Variants in VPS4B observed in about 807,000 individuals in gnomAD.
VPS4B encodes vacuolar protein sorting 4 homolog B.
A neutral mutation model predicts 56.1 loss-of-function variants in VPS4B; 23 were observed. The ratio of observed to expected loss-of-function variants is 0.41; its 90% CI spans 0.30 to 0.58. VPS4B has a LOEUF of 0.58. Among genes scored for constraint, VPS4B ranks in the 20% least tolerant of loss-of-function variants. The pLI is 0.29. For missense variants in VPS4B, 372 were observed against 531.9 expected (o/e 0.70, Z 2.96); for synonymous variants, 177 against 186.0 (o/e 0.95, Z 0.39).
chr18:63,399,855 A>G (rs1218679096), intron 7 of VPS4B, among the ~76,000 whole-genome samples, 193 bp downstream of exon 7: 2 of 152,160 alleles, frequency 1.3e-5, no homozygotes, highest in Non-Finnish European at 2.9e-5. Context: ...GACTTTAAAA[A>G]TCAGTAACAT....
chr18:63,391,095 G>A lies in VPS4B; in HGVS notation c.1234-19C>T, dbSNP rs764311271. The A allele has an allele frequency of 6.6e-6, 10 of 1,508,930 alleles. No individual in the cohort carries two copies. The highest frequency in any genetic ancestry group is 9.2e-6 in the Non-Finnish European group (10 of 1,086,424). The allele number at this position is 1,508,930 out of a possible 1,614,324, so 93.5% of individuals were successfully genotyped here. ...TATCCGACTGTCAGGGAAAAAGAAG[G>A]GTAGGGAGGATATTAATAATAGAGT... On this transcript the variant is annotated intron_variant, in intron 10 of 10. Coordinates refer to ENST00000238497, the MANE Select transcript of VPS4B (RefSeq NM_004869.4).
chr18:63,402,154 A>C (rs1915826075), intron 5 of VPS4B, among the ~76,000 whole-genome samples: 1 of 152,224 alleles, frequency 6.6e-6, no homozygotes, highest in Non-Finnish European at 1.5e-5. Context: ...CCTATTTTAC[A>C]TGTATACATT....
At chr18:63,407,679 C>A (rs1163087764) in intron 3 of VPS4B, among the ~76,000 whole-genome samples, 180 bp from the exon 4 acceptor site, 1 of 152,102 alleles carries the variant, frequency 6.6e-6, no homozygotes, top group Admixed American at 6.5e-5. Flanking sequence ...ACGTTATCAT[C>A]AATAGAGAAT....
chr18:63,413,791 G>A (rs1376799596), intron 1 of VPS4B, among the ~76,000 whole-genome samples: 1 of 152,172 alleles, frequency 6.6e-6, no homozygotes, highest in African/African-American at 2.4e-5. Context: ...GTTGAGCATG[G>A]ATTGGATATA....
rs548588900 is a variant in VPS4B, at chr18:63,406,291, A to C, written c.364+1141T>G. On this transcript the variant is annotated intron_variant, in intron 4 of 10. Transcript: ENST00000238497. Reference sequence around the variant, plus strand: ...TCTACCACTGAAGTTCTTGGCATCTAAAGATGTTCTCTATTCATTACCTGG... The same window carrying C: ...TCTACCACTGAAGTTCTTGGCATCTCAAGATGTTCTCTATTCATTACCTGG... 3.3e-5 allele frequency among the ~76,000 whole-genome samples: 5 copies of C among 152,334 alleles called. No individual in the cohort carries two copies. The East Asian group carries it at 9.6e-4, about 29-fold the overall frequency.
chr18:63,419,429 AT>A (rs1000825305), intron 1 of VPS4B, among the ~76,000 whole-genome samples: 12 of 152,084 alleles, frequency 7.9e-5, no homozygotes, highest in African/African-American at 1.9e-4. Flanking sequence ...AAAAAAAAAA[AT>A]AAATGCAGAT....
chr18:63,403,496 T>C (rs1044330535), intron 5 of VPS4B, among the ~76,000 whole-genome samples: 7 of 152,214 alleles, frequency 4.6e-5, no homozygotes, highest in African/African-American at 1.4e-4. Flanking sequence ...ACCCTACTGG[T>C]TGACATTTAG....
At chr18:63,400,005 T>TG (rs748494354) in intron 7 of VPS4B, 43 bp downstream of exon 7, 7 of 1,575,274 alleles carry the variant, frequency 4.4e-6, no homozygotes, top group Middle Eastern at 1.7e-4. Context: ...GGCGACAGAG[T>TG]GAGACTCCGT....
At chr18:63,414,299 G>C (rs1313708981) in intron 1 of VPS4B, among the ~76,000 whole-genome samples, 1 of 148,708 alleles carries the variant, frequency 6.7e-6, no homozygotes. Context: ...GAATCCGGGA[G>C]ACAGAGGTTG....
In VPS4B at chr18:63,415,414, C is replaced by T. The variant is rs368485317; in HGVS notation, c.28-3836G>A. On this transcript the variant is annotated intron_variant, in intron 1 of 10. Transcript: ENST00000238497. ...GTCCTCCTGGGTGACATGCACTCGC[C>T]GTTCCCTCAGGGCATATATGCTGCT... 14 of 276,420 alleles carry T rather than the reference C, an allele frequency of 5.1e-5. 1 individual carries two copies. Among genetic ancestry groups the T allele is most frequent in the East Asian group, 9.8e-5 (1 of 10,252 alleles). The allele number at this position is 276,420 out of a possible 1,614,324, so 17.1% of individuals were successfully genotyped here. A position where few individuals can be genotyped will look rare whatever the true frequency, so the allele number is the denominator to read the frequency against.
In VPS4B at chr18:63,393,476, G is replaced by C; in HGVS notation, c.1166C>G (p.Pro389Arg). 6.2e-7 allele frequency: 1 copy of C among 1,612,856 alleles called. No individual in the cohort carries two copies. The part of the protein sequence containing the change: ...DLLTPCSPGD[P>R]GAIEMTWMDV... ...CATCCATGTCATTTCAATGGCACCA[G>C]GGTCACCTGGAGAGCAAGGTGTTAG... The change falls in exon 10 of 11, where the codon CCT (proline) becomes CGT (arginine). Residue 389 changes from proline (P) to arginine (R), a missense_variant. By Grantham distance (103) the Pro-to-Arg change is moderately radical. This residue lies in a region of VPS4B where 153 missense variants were observed against 190.9 expected (regional missense o/e 0.80). Coordinates refer to ENST00000238497, the MANE Select transcript of VPS4B (RefSeq NM_004869.4).
chr18:63,403,895 T>C (rs1483028770), intron 4 of VPS4B, 69 bp from the exon 5 acceptor site: 2 of 1,511,026 alleles, frequency 1.3e-6, no homozygotes, highest in East Asian at 2.3e-5. Flanking sequence ...CAACATGAAA[T>C]AATGATGTTA....
intron 3 of VPS4B, among the ~76,000 whole-genome samples, chr18:63,408,168 T>C (rs1445931337): frequency 6.6e-6 from 1 of 152,226 alleles, no homozygotes; most frequent in African/African-American, 2.4e-5. Context: ...TATGACAGGA[T>C]ACATTGCAAC....
intron 1 of VPS4B, among the ~76,000 whole-genome samples, chr18:63,413,251 G>A (rs979866884): frequency 6.6e-6 from 1 of 152,182 alleles, no homozygotes; most frequent in Non-Finnish European, 1.5e-5. Flanking sequence ...ACTGGATAAA[G>A]GGAATGCTGG....
intron 3 of VPS4B, among the ~76,000 whole-genome samples, chr18:63,408,955 G>A (rs550287862): frequency 1.3e-5 from 2 of 152,312 alleles, no homozygotes; most frequent in South Asian, 4.1e-4. Flanking sequence ...CTCAGTGACA[G>A]CTGGAGGTCC....
chr18:63,396,151 T>A (rs1222548649), intron 9 of VPS4B, among the ~76,000 whole-genome samples: 1 of 152,162 alleles, frequency 6.6e-6, no homozygotes. Context: ...AGAAGCAGCC[T>A]TACATCTGTA....
intron 8 of VPS4B, among the ~76,000 whole-genome samples, chr18:63,398,204 C>CACACACACATATAT (rs1298374245): frequency 8.9e-6 from 1 of 112,446 alleles, no homozygotes; most frequent in African/African-American, 3.3e-5. Context: ...CACACACACA[C>CACACACACATATAT]ATATATATAT....
intron 9 of VPS4B, among the ~76,000 whole-genome samples, chr18:63,395,980 A>T (rs572869305): frequency 2.3e-4 from 35 of 152,314 alleles, no homozygotes; most frequent in Non-Finnish European, 2.6e-4. Flanking sequence ...GGCTACATGT[A>T]CCTCTCTTGC....
Position 63,390,286 on chromosome 18 carries a change from C to G in VPS4B, c.*689G>C. 6.6e-6 allele frequency: 1 copy of G among 152,448 alleles called. No individual in the cohort carries two copies. The highest frequency in any genetic ancestry group is 2.1e-4 in the South Asian group (1 of 4,834). 9.4% of individuals were successfully genotyped at this position (152,448 alleles called of 1,614,324 possible). A position where few individuals can be genotyped will look rare whatever the true frequency, so the allele number is the denominator to read the frequency against. ...ACGGCATTTCACCATGTTGGCCAGA[C>G]TGGTCTTGAACTCCTGACCTCAGGT... On this transcript the variant is annotated 3_prime_UTR_variant, in exon 11 of 11. Coordinates refer to ENST00000238497, the MANE Select transcript of VPS4B (RefSeq NM_004869.4).
Sources: gnomAD v4.1 joint callset for allele counts (sites outside exome capture counted in the v4.1 genomes callset) on GRCh38, gnomAD v4.1.1 for gene constraint, gnomAD v4.1.1 regional missense constraint, MANE v1.5 for transcripts, NCBI Gene and HGNC (gene_info 2026-07-23, HGNC 2026-07-21) for gene names.